The following AGXT variants were observed in gnomAD, a reference collection of about 807,000 sequenced individuals.
AGXT encodes the protein L-alanine: glyoxylate aminotransferase 1.
AGXT carries 41 observed loss-of-function variants against 46.9 expected under a neutral mutation model. The ratio of observed to expected loss-of-function variants is 0.88; its 90% CI spans 0.68 to 1.14. AGXT has a LOEUF of 1.14. Among genes scored for constraint, AGXT ranks in the 50% most tolerant of loss-of-function variants. The probability of loss-of-function intolerance (pLI) is 0.00; values close to 1 mark genes in which losing one functional copy is unlikely to be tolerated. For synonymous variants in AGXT, 244 were observed against 227.9 expected, an observed-to-expected ratio of 1.07 and a Z score of -0.64; for missense variants, 525 against 522.7, an observed-to-expected ratio of 1.00 and a Z score of -0.04.
rs368013857 is a variant in AGXT, at chr2:240,870,641, C to A, written c.359-3C>A. 7.0e-5 allele frequency: 108 copies of A among 1,551,766 alleles called. No individual in the cohort carries two copies. In the African/African-American group the frequency reaches 1.3e-3, roughly 19 times the overall value. Reference sequence around the variant, plus strand: ...CTCACGGCCCACTCTGTCCTGCACCCAGGAGCCCGAGTGCACCCGATGACC... The same window carrying A: ...CTCACGGCCCACTCTGTCCTGCACCAAGGAGCCCGAGTGCACCCGATGACC... On this transcript the variant is annotated splice_region_variant and splice_polypyrimidine_tract_variant and intron_variant, in intron 2 of 10. Coordinates refer to ENST00000307503, the MANE Select transcript of AGXT (RefSeq NM_000030.3).
chr2:240,877,468 A>G, intron 8 of AGXT, 69 bp from the exon 9 acceptor site: 1 of 1,404,918 alleles, frequency 7.1e-7, no homozygotes, highest in East Asian at 2.5e-5. Context: ...TTCCTCCCGC[A>G]CCACAGAGGG....
At chr2:240,877,175 T>A (rs997955168) in intron 8 of AGXT, 4 of 454,182 alleles carry the variant, frequency 8.8e-6, no homozygotes, top group Middle Eastern at 3.2e-4. Context: ...AGAGGGGGCC[T>A]GGGAGCCAGC....
At position 240,870,478 on chromosome 2, in the gene AGXT, G is replaced by A. The variant is rs367774944; in HGVS notation, c.359-166G>A. On this transcript the variant is annotated intron_variant, in intron 2 of 10. Coordinates refer to ENST00000307503, the MANE Select transcript of AGXT (RefSeq NM_000030.3). ...TGGCCCTGGCTCTACACACAGAGAG[G>A]CTCTCATTGGGCAGAGTCCACCCTC... 3.3e-5 allele frequency among the ~76,000 whole-genome samples: 5 copies of A among 152,270 alleles called. No individual in the cohort carries two copies. In the East Asian group the frequency reaches 5.8e-4, roughly 18 times the overall value.
At chr2:240,877,156 C>T in intron 8 of AGXT, 1 of 428,050 alleles carries the variant, frequency 2.3e-6, no homozygotes. Flanking sequence ...GGGAGCTGGC[C>T]CTGAGAGGAG....
At position 240,872,997 on chromosome 2, in the gene AGXT, G is replaced by A. The variant is rs1447121173; in HGVS notation, c.543G>A (p.Leu181=). ...TCTCCAGGTACAAGTGCCTGCTCCT[G>A]GTGGATTCGGTGGCATCCCTGGGCG... is the stretch of plus-strand genomic sequence containing the variant. ...ELCHRYKCLL[L]VDSVASLGGT... The change falls in exon 5 of 11, where the codon CTG becomes CTA. Residue 181 remains leucine, a synonymous_variant. Transcript: ENST00000307503. The A allele has an allele frequency of 1.2e-6, 2 of 1,613,990 alleles. No homozygotes were observed. The highest frequency in any genetic ancestry group is 2.2e-5 in the East Asian group (1 of 44,860).
At chr2:240,876,085 C>A in intron 8 of AGXT, 81 bp downstream of exon 8, 1 of 1,482,496 alleles carries the variant, frequency 6.7e-7, no homozygotes, top group East Asian at 2.4e-5. Context: ...AAGGAACCAT[C>A]CCTGGTGCAC....
intron 6 of AGXT, 37 bp from the exon 7 acceptor site, chr2:240,875,072 T>A (rs780531365): frequency 1.3e-6 from 2 of 1,540,204 alleles, no homozygotes; most frequent in African/African-American, 1.4e-5. Flanking sequence ...CAGCCCAAAC[T>A]GAGAGGCTGG....
rs1195730318 is a variant in AGXT, at chr2:240,877,600, G to A, written c.910G>A (p.Ala304Thr). The A allele has an allele frequency of 6.4e-7, 1 of 1,550,942 alleles. No homozygotes were observed. The highest frequency in any genetic ancestry group is 8.7e-7 in the Non-Finnish European group (1 of 1,146,996). The part of the protein sequence containing the change: ...AAAYLHGRLQ[A>T]LGLQLFVKDP... ...GGCGTATCTGCATGGGCGCCTGCAG[G>A]CACTGGGGCTGCAGCTCTTCGTGAA... Residue 304 changes from alanine to threonine, a missense_variant, in exon 9 of 11, where the codon GCA becomes ACA. Ala to Thr is a moderately conservative substitution (Grantham distance 58, BLOSUM62 0). Transcript: ENST00000307503.
Position 240,878,102 on chromosome 2 carries a change from C to T in AGXT, c.1023C>T (p.Asp341=). ...DWRDIVSYVI[D]HFDIEIMGGL... is the part of the protein sequence containing the mutation. ...GAGACATCGTCAGCTACGTCATAGA[C>T]CACTTCGACATTGAGATCATGGGTG... The change falls in exon 10 of 11, where the codon GAC becomes GAT. Residue 341 remains aspartate, a synonymous_variant. Transcript: ENST00000307503. The T allele has an allele frequency of 6.2e-7, 1 of 1,613,380 alleles. No homozygotes were observed. The highest frequency in any genetic ancestry group is 1.1e-5 in the South Asian group (1 of 91,082).
chr2:240,877,983 G>T (rs767357571), intron 9 of AGXT, 39 bp from the exon 10 acceptor site: 3 of 1,605,650 alleles, frequency 1.9e-6, no homozygotes, highest in Non-Finnish European at 2.5e-6. Flanking sequence ...GCCCGTACAG[G>T]GCCTCTCACC....
chr2:240,877,087 C>T (rs1337076852), intron 8 of AGXT: 2 of 321,016 alleles, frequency 6.2e-6, no homozygotes, highest in Non-Finnish European at 1.3e-5. Context: ...GCTGGAGAGA[C>T]CACCCCTCAC....
Position 240,879,746 on chromosome 2 carries a change from G to T in AGXT, c.*925G>T, listed in dbSNP as rs2059048471. The T allele has an allele frequency of 6.6e-6, 1 of 152,242 alleles. No homozygotes were observed. The highest frequency in any genetic ancestry group is 1.5e-5 in the Non-Finnish European group (1 of 68,076). The allele number at this position is 152,242 out of a possible 1,614,324, so 9.4% of individuals were successfully genotyped here. A position where few individuals can be genotyped will look rare whatever the true frequency, so the allele number is the denominator to read the frequency against. Reference sequence around the variant, plus strand: ...GCTGGTCTCGAACTCCTGACCTCAAGTGATCCACCTGCCTCGGCCTCCCAA... The same window carrying T: ...GCTGGTCTCGAACTCCTGACCTCAATTGATCCACCTGCCTCGGCCTCCCAA... On this transcript the variant is annotated 3_prime_UTR_variant, in exon 11 of 11. Transcript: ENST00000307503.
chr2:240,871,196 C>T, intron 3 of AGXT, 153 bp from the exon 4 acceptor site: 1 of 700,718 alleles, frequency 1.4e-6, no homozygotes, highest in South Asian at 1.6e-5. Context: ...AGCGGAGATG[C>T]CCCAGCCTCC....
At chr2:240,874,912 G>C (rs1235028076) in intron 6 of AGXT, among the ~76,000 whole-genome samples, 197 bp from the exon 7 acceptor site, 1 of 152,186 alleles carries the variant, frequency 6.6e-6, no homozygotes, top group Non-Finnish European at 1.5e-5. Flanking sequence ...GGGCCCAAGG[G>C]CCAGCGGGAC....
chr2:240,871,710 G>C (rs998606552), intron 4 of AGXT, among the ~76,000 whole-genome samples: 2 of 152,330 alleles, frequency 1.3e-5, no homozygotes, highest in South Asian at 2.1e-4. Context: ...GGGCTGAAGA[G>C]GGCTTGGTGC....
Position 240,877,578 on chromosome 2 carries a change from G to A in AGXT, c.888G>A (p.Ala296=), listed in dbSNP as rs979513298. 2.6e-5 allele frequency: 41 copies of A among 1,550,786 alleles called. No homozygotes were observed. Among genetic ancestry groups the A allele is most frequent in the Admixed American group, 5.9e-5 (3 of 50,978 alleles). ...NSWRQHREAA[A]YLHGRLQALG... is the part of the protein sequence containing the mutation. The stretch of plus-strand genomic sequence containing the variant: ...GGCGCCAGCACCGCGAGGCCGCGGC[G>A]TATCTGCATGGGCGCCTGCAGGCAC... The change falls in exon 9 of 11, where the codon GCG becomes GCA. Residue 296 remains alanine (A), a synonymous_variant. Transcript: ENST00000307503.
chr2:240,877,534 CAG>C lies in AGXT; in HGVS notation c.847-2_847-1del, dbSNP rs1553649375. On this transcript the variant is annotated splice_acceptor_variant, in intron 8 of 10. Coordinates refer to ENST00000307503, the MANE Select transcript of AGXT (RefSeq NM_000030.3). LOFTEE classifies it high-confidence loss of function. ...CTGCCCACCAGCGCCATCTCCCACA[CAG>C]GGCCTGGAGAACAGCTGGCGCCAGC... 6.5e-7 allele frequency: 1 copy of C among 1,546,314 alleles called. No individual in the cohort carries two copies. The highest frequency in any genetic ancestry group is 1.4e-5 in the African/African-American group (1 of 73,102).
At chr2:240,878,500 C>G (rs1243359958) in intron 10 of AGXT, among the ~76,000 whole-genome samples, 1 of 152,212 alleles carries the variant, frequency 6.6e-6, no homozygotes, top group Non-Finnish European at 1.5e-5. Context: ...CCTGTCCTCC[C>G]GTGTGGCTGC....
chr2:240,878,925 AG>A lies in AGXT; in HGVS notation c.*106del. The A allele has an allele frequency of 2.0e-5, 25 of 1,254,860 alleles. No homozygotes were observed. The highest frequency in any genetic ancestry group is 2.8e-5 in the Non-Finnish European group (25 of 889,712). 77.7% of individuals were successfully genotyped at this position (1,254,860 alleles called of 1,614,324 possible). ...TGCAAGGTCCTCCAGGCCTGGGGAC[AG>A]GAAAGCCACTGACCCAGCCCGGGAG... On this transcript the variant is annotated 3_prime_UTR_variant, in exon 11 of 11. Transcript: ENST00000307503.
Sources: gnomAD v4.1 joint callset for allele counts (sites outside exome capture counted in the v4.1 genomes callset) on GRCh38, gnomAD v4.1.1 for gene constraint, MANE v1.5 for transcripts, NCBI Gene and HGNC (gene_info 2026-07-23, HGNC 2026-07-21) for gene names.